COL4A1: variants seen among roughly 807,000 people sequenced by gnomAD.
COL4A1 encodes collagen alpha-1(IV) chain.
Under a neutral mutation model 216.6 loss-of-function variants are expected in COL4A1, and 40 were observed. That is an observed-to-expected ratio of 0.18 (90% CI 0.14 to 0.24). COL4A1 has a LOEUF of 0.24. Among genes scored for constraint, COL4A1 ranks in the 10% least tolerant of loss-of-function variants. The pLI is 1.00. For missense variants in COL4A1, 1,628 were observed against 2,196.8 expected, an observed-to-expected ratio of 0.74 and a Z score of 5.18; for synonymous variants, 839 against 810.7, an observed-to-expected ratio of 1.03 and a Z score of -0.59.
At chr13:110,202,363 C>A (rs117710910) in intron 18 of COL4A1, among the ~76,000 whole-genome samples, 1 of 152,006 alleles carries the variant, frequency 6.6e-6, no homozygotes, top group African/African-American at 2.4e-5. Flanking sequence ...TCAAGACAAG[C>A]GGCAAAGTCA....
rs1324937371 is a variant in COL4A1 at position 110,253,079 on chromosome 13, TAA to T, written c.85-10347_85-10346del. 1.9e-5 allele frequency among the ~76,000 whole-genome samples: 2 copies of T among 108,070 alleles called. 1 individual carries two copies. Among genetic ancestry groups the T allele is most frequent in the East Asian group, 5.8e-4 (2 of 3,420 alleles). The allele number at this position is 108,070 out of a possible 152,430, so 70.9% of individuals were successfully genotyped here. A position where few individuals can be genotyped will look rare whatever the true frequency, so the allele number is the denominator to read the frequency against. ...TATGTATTACATATACATATAACTA[TAA>T]GTACGTATGTATTACATATACATAT... On this transcript the variant is annotated intron_variant, in intron 1 of 51. Transcript: ENST00000375820.
intron 2 of COL4A1, among the ~76,000 whole-genome samples, chr13:110,230,547 T>C (rs1880994570): frequency 6.7e-5 from 1 of 14,870 alleles, no homozygotes; most frequent in South Asian, 0.038. Flanking sequence ...GCGAGTGAGG[T>C]GGGACGGGTG....
At chr13:110,301,155 A>G (rs1186865054) in intron 1 of COL4A1, among the ~76,000 whole-genome samples, 1 of 152,260 alleles carries the variant, frequency 6.6e-6, no homozygotes, top group East Asian at 1.9e-4. Context: ...TCGTTTGCCC[A>G]GATTCATCTT....
intron 2 of COL4A1, among the ~76,000 whole-genome samples, chr13:110,219,676 A>ATATG (rs1880287862): frequency 1.2e-5 from 1 of 82,708 alleles, no homozygotes; most frequent in Non-Finnish European, 2.5e-5. Flanking sequence ...ATATATATAT[A>ATATG]TGTGTATATA....
Position 110,170,811 on chromosome 13 carries a change from G to T in COL4A1, c.3557-79C>A, listed in dbSNP as rs1482611305. On this transcript the variant is annotated intron_variant, in intron 41 of 51. Transcript: ENST00000375820. ...TCTCCAGCGTGGACGGCAGAGATGGGATGAGGCGTGCCTCATCCTGTAGGT... is the reference window on the plus strand; with the variant it reads ...TCTCCAGCGTGGACGGCAGAGATGGTATGAGGCGTGCCTCATCCTGTAGGT... 27 of 1,492,824 alleles carry T rather than the reference G, an allele frequency of 1.8e-5. No homozygotes were observed. In the Admixed American group the frequency reaches 4.5e-4, roughly 25 times the overall value. The allele number at this position is 1,492,824 out of a possible 1,614,324, so 92.5% of individuals were successfully genotyped here.
intron 2 of COL4A1, among the ~76,000 whole-genome samples, chr13:110,219,400 T>C (rs1026511594): frequency 1.3e-4 from 20 of 152,140 alleles, no homozygotes; most frequent in African/African-American, 4.3e-4. Flanking sequence ...TTTAAATATT[T>C]AACATTAAAG....
At chr13:110,254,013 A>G (rs567449439) in intron 1 of COL4A1, among the ~76,000 whole-genome samples, 6 of 151,982 alleles carry the variant, frequency 3.9e-5, no homozygotes, top group Non-Finnish European at 8.8e-5. Flanking sequence ...AAAATATAAA[A>G]CTTTTTGAGC....
At chr13:110,306,135 T>A (rs1884694429) in intron 1 of COL4A1, among the ~76,000 whole-genome samples, 1 of 152,066 alleles carries the variant, frequency 6.6e-6, no homozygotes, top group African/African-American at 2.4e-5. Context: ...AAGCCTCGAC[T>A]CCTGCAAACC....
chr13:110,238,315 C>T (rs1274798770), intron 2 of COL4A1, among the ~76,000 whole-genome samples: 3 of 152,190 alleles, frequency 2.0e-5, no homozygotes, highest in Non-Finnish European at 4.4e-5. Flanking sequence ...TTGGGAATGT[C>T]CCTTTTTGGA....
Position 110,169,731 on chromosome 13 carries a change from A to G in COL4A1, c.3774T>C (p.Leu1258=), listed in dbSNP as rs139578640. 5.9e-5 allele frequency: 95 copies of G among 1,613,956 alleles called. 2 individuals are homozygous for G. In the African/African-American group the frequency reaches 1.1e-3, roughly 18 times the overall value. ...GLPGPMGPPG[L]PGIDGVKGDK... ...CACCTTTAACTCCATCAATCCCAGG[A>G]AGCCCTGGAGGCCCCATGGGTCCCG... Residue 1258 remains leucine, a synonymous_variant, in exon 43 of 52, where the codon CTT becomes CTC. Transcript: ENST00000375820.
chr13:110,290,619 C>G (rs566420618), intron 1 of COL4A1, among the ~76,000 whole-genome samples: 1 of 152,352 alleles, frequency 6.6e-6, no homozygotes, highest in African/African-American at 2.4e-5. Context: ...GGAGTCACCT[C>G]CAGCTCATCA....
rs118008652 is a variant in COL4A1, at chr13:110,244,970, G to A, written c.85-2236C>T. The stretch of plus-strand genomic sequence containing the variant: ...TTGATGAAATCAGTACCCAATTATG[G>A]TTGTATTCTTGGTGCTGTTACTGGT... On this transcript the variant is annotated intron_variant, in intron 1 of 51. Transcript: ENST00000375820. Among the ~76,000 whole-genome samples the A allele has an allele frequency of 5.7e-3, 875 of 152,246 alleles. 4 individuals carry two copies. Among genetic ancestry groups the A allele is most frequent in the Non-Finnish European group, 9.4e-3 (636 of 68,020 alleles).
intron 26 of COL4A1, 77 bp downstream of exon 26, chr13:110,186,308 C>A (rs762277291): frequency 9.8e-5 from 156 of 1,586,754 alleles, no homozygotes; most frequent in Non-Finnish European, 1.3e-4. Flanking sequence ...AACCCCAGGC[C>A]TCTGTGTGCA....
chr13:110,210,333 G>A (rs1179013565), intron 8 of COL4A1, 121 bp from the exon 9 acceptor site: 1 of 915,032 alleles, frequency 1.1e-6, no homozygotes, highest in East Asian at 2.6e-5. Context: ...CTGGGATTTA[G>A]ACCCCGTCTA....
chr13:110,162,013 G>T, intron 48 of COL4A1: 2 of 622,936 alleles, frequency 3.2e-6, no homozygotes, highest in Non-Finnish European at 5.7e-6. Flanking sequence ...ACATTTCTTG[G>T]CTTGCCATTA....
At chr13:110,219,859 T>TAC (rs1190622297) in intron 2 of COL4A1, among the ~76,000 whole-genome samples, 21 of 92,564 alleles carry the variant, frequency 2.3e-4, no homozygotes, top group African/African-American at 8.0e-4. Context: ...TATATATGTA[T>TAC]ATATGTGTGT....
chr13:110,292,886 C>T (rs1884142146), intron 1 of COL4A1, among the ~76,000 whole-genome samples: 1 of 152,204 alleles, frequency 6.6e-6, no homozygotes, highest in South Asian at 2.1e-4. Flanking sequence ...GTCCAGGGTT[C>T]TCACTAGCAT....
At chr13:110,254,633 T>G (rs974458548) in intron 1 of COL4A1, among the ~76,000 whole-genome samples, 1 of 152,160 alleles carries the variant, frequency 6.6e-6, no homozygotes, top group Non-Finnish European at 1.5e-5. Context: ...TAGGACCACT[T>G]TTTTTCCTTA....
intron 2 of COL4A1, among the ~76,000 whole-genome samples, chr13:110,219,315 A>G (rs1038788905): frequency 2.0e-5 from 3 of 152,242 alleles, no homozygotes; most frequent in African/African-American, 7.2e-5. Flanking sequence ...GTTCACTAGA[A>G]GTATGTGAAT....
Sources: gnomAD v4.1 joint callset for allele counts (sites outside exome capture counted in the v4.1 genomes callset) on GRCh38, gnomAD v4.1.1 for gene constraint, MANE v1.5 for transcripts, NCBI Gene and HGNC (gene_info 2026-07-23, HGNC 2026-07-21) for gene names.